The following RGS6 variants were observed in gnomAD, a reference collection of about 807,000 sequenced individuals.
The protein encoded by RGS6 is regulator of G-protein signaling 6.
Under a neutral mutation model 78.5 loss-of-function variants are expected in RGS6, and 30 were observed. The ratio of observed to expected loss-of-function variants is 0.38; its 90% CI spans 0.29 to 0.52. The LOEUF is 0.52. RGS6 is among the 20% of genes least tolerant of loss of function. The pLI is 0.85. For synonymous variants in RGS6, 206 were observed against 206.0 expected (o/e 1.00, Z 0.00); for missense variants, 495 against 609.7 (o/e 0.81, Z 1.98).
In RGS6 at chr14:72,286,121, A is replaced by G. The variant is rs183208815; in HGVS notation, c.85-65974A>G. Reference sequence around the variant, plus strand: ...ATCATAAAGTTTTGCCCCATGTTTTATTCTAGGAATTTTATAGTTTCAGGT... The same window carrying G: ...ATCATAAAGTTTTGCCCCATGTTTTGTTCTAGGAATTTTATAGTTTCAGGT... On this transcript the variant is annotated intron_variant, in intron 2 of 17. Coordinates refer to ENST00000553525, the MANE Select transcript of RGS6 (RefSeq NM_001204424.2). Among the ~76,000 whole-genome samples, 35 of 152,248 alleles carry G rather than the reference A, an allele frequency of 2.3e-4. 1 individual carries two copies. The East Asian group carries it at 6.7e-3, about 29-fold the overall frequency.
intron 2 of RGS6, among the ~76,000 whole-genome samples, chr14:72,027,274 A>G (rs2090061427): frequency 6.6e-6 from 1 of 152,164 alleles, no homozygotes; most frequent in Non-Finnish European, 1.5e-5. Flanking sequence ...ACACTTGCAC[A>G]TATGTGCATA....
intron 2 of RGS6, among the ~76,000 whole-genome samples, chr14:72,075,074 C>T (rs922514048): frequency 6.6e-6 from 1 of 152,190 alleles, no homozygotes; most frequent in Admixed American, 6.5e-5. Flanking sequence ...GTTCTCTAAG[C>T]CTTTGCCTCC....
At chr14:71,964,969 C>A in intron 2 of RGS6, 94 bp downstream of exon 2, 2 of 817,144 alleles carry the variant, frequency 2.4e-6, no homozygotes, top group Non-Finnish European at 3.7e-6. Flanking sequence ...TCTGCCTAAA[C>A]TGCCTTACTG....
the RGS6 span, among the ~76,000 whole-genome samples, chr14:71,895,802 C>T: frequency 1.3e-5 from 2 of 152,116 alleles, no homozygotes; most frequent in Non-Finnish European, 2.9e-5. Context: ...TGCTAGAACC[C>T]AAAGAACAGG....
chr14:71,876,814 C>A, the RGS6 span, among the ~76,000 whole-genome samples: 2 of 152,076 alleles, frequency 1.3e-5, no homozygotes, highest in African/African-American at 2.4e-5. Flanking sequence ...TGGCTGGTAC[C>A]AATTGTTCAT....
chr14:71,872,626 T>A, the RGS6 span, among the ~76,000 whole-genome samples: 1 of 152,326 alleles, frequency 6.6e-6, no homozygotes, highest in African/African-American at 2.4e-5. Context: ...TCAGTAAGTT[T>A]TTTTTGTGAA....
chr14:71,994,128 T>G lies in RGS6; in HGVS notation c.84+29253T>G, dbSNP rs146772188. Among the ~76,000 whole-genome samples the G allele has an allele frequency of 2.0e-4, 31 of 152,190 alleles. 1 individual carries two copies. The highest frequency in any genetic ancestry group is 6.0e-4 in the African/African-American group (25 of 41,514). On this transcript the variant is annotated intron_variant, in intron 2 of 17. Coordinates refer to ENST00000553525, the MANE Select transcript of RGS6 (RefSeq NM_001204424.2). ...ACCCAATTATCTGGGCAAACAGACC[T>G]GATCCAAACACAGTTTGTACTTTCC... is the stretch of plus-strand genomic sequence containing the variant.
chr14:72,152,245 A>T (rs435467), intron 2 of RGS6, among the ~76,000 whole-genome samples: 9,984 of 96,998 alleles, frequency 0.1, 351 homozygotes, highest in Middle Eastern at 0.12. Flanking sequence ...AGAGAGAGAG[A>T]GTGTGTGTGT....
rs139908742 is a variant in RGS6, at chr14:72,098,070, A to C, written c.84+133195A>C. The stretch of plus-strand genomic sequence containing the variant: ...CAAACTGGACCATATAAGCTTTTCC[A>C]AAAGCCTGGGGTGGGGGAGATGTTA... On this transcript the variant is annotated intron_variant, in intron 2 of 17. Transcript: ENST00000553525. Among the ~76,000 whole-genome samples, 686 of 152,288 alleles carry C rather than the reference A, an allele frequency of 4.5e-3. 7 individuals are homozygous for C. Among genetic ancestry groups the C allele is most frequent in the African/African-American group, 0.016 (668 of 41,550 alleles).
intron 3 of RGS6, among the ~76,000 whole-genome samples, chr14:72,452,442 C>T (rs1597718434): frequency 6.6e-6 from 1 of 152,234 alleles, no homozygotes; most frequent in African/African-American, 2.4e-5. Context: ...CCTGGGGGTC[C>T]CACTGTGCAG....
chr14:72,277,977 C>A (rs1055295281), intron 2 of RGS6, among the ~76,000 whole-genome samples: 1 of 152,052 alleles, frequency 6.6e-6, no homozygotes, highest in South Asian at 2.1e-4. Context: ...ACTTCCCCCA[C>A]CCCTAATATC....
chr14:72,404,585 G>C (rs932473035), intron 3 of RGS6, among the ~76,000 whole-genome samples: 1 of 152,202 alleles, frequency 6.6e-6, no homozygotes, highest in South Asian at 2.1e-4. Flanking sequence ...TGGCCCCACA[G>C]GGCAAGCACA....
At chr14:71,910,832 T>A in the RGS6 span, among the ~76,000 whole-genome samples, 8 of 152,172 alleles carry the variant, frequency 5.3e-5, no homozygotes, top group Non-Finnish European at 1.2e-4. Context: ...AGAGGAAGGA[T>A]GCAATTTGGG....
intron 17 of RGS6, among the ~76,000 whole-genome samples, chr14:72,556,682 CG>C (rs1465186482): frequency 1.4e-3 from 1 of 730 alleles, no homozygotes; most frequent in East Asian, 0.024. Context: ...AGGTAGGGGT[CG>C]GGGGGGCGGG....
At chr14:72,517,555 CAGA>C (rs2096966235) in intron 14 of RGS6, among the ~76,000 whole-genome samples, 2 of 152,216 alleles carry the variant, frequency 1.3e-5, no homozygotes, top group African/African-American at 4.8e-5. Context: ...TTGCTCTCAG[CAGA>C]AGGAGAACCA....
At chr14:71,898,256 G>T in the RGS6 span, among the ~76,000 whole-genome samples, 1 of 150,822 alleles carries the variant, frequency 6.6e-6, no homozygotes, top group Non-Finnish European at 1.5e-5. Flanking sequence ...ATTTAATGCC[G>T]TTTGACTAAC....
the RGS6 span, among the ~76,000 whole-genome samples, chr14:71,926,308 G>A: frequency 2.0e-5 from 3 of 152,200 alleles, no homozygotes; most frequent in East Asian, 3.8e-4. Context: ...AAGAGGCTGG[G>A]CACAGTGGCC....
intron 1 of RGS6, among the ~76,000 whole-genome samples, chr14:71,947,503 G>A (rs1289810496): frequency 2.0e-5 from 3 of 151,894 alleles, no homozygotes; most frequent in Non-Finnish European, 2.9e-5. Context: ...TGTTGTTTTC[G>A]AGACAGGGTC....
At chr14:72,453,585 C>T (rs1405834574) in intron 3 of RGS6, among the ~76,000 whole-genome samples, 2 of 125,782 alleles carry the variant, frequency 1.6e-5, no homozygotes, top group African/African-American at 3.1e-5. Context: ...CACTGCACTC[C>T]AGCCTGGGCG....
Sources: allele counts gnomAD v4.1 joint callset (sites outside exome capture counted in the v4.1 genomes callset), GRCh38; gene constraint gnomAD v4.1.1; transcripts MANE v1.5; gene names NCBI Gene and HGNC (gene_info 2026-07-23, HGNC 2026-07-21).